The following NCALD variants were observed in gnomAD, a reference collection of about 807,000 sequenced individuals.
The protein encoded by NCALD is neurocalcin-delta.
A neutral mutation model predicts 18.6 loss-of-function variants in NCALD; 10 were observed. The observed-to-expected ratio is 0.54, with a 90% CI of 0.33 to 0.91. The LOEUF is 0.91. Ranked by LOEUF, NCALD falls within the 40% of genes least tolerant of loss-of-function variation. The pLI, the probability that NCALD is intolerant of heterozygous loss-of-function variation, is 0.03. For missense variants in NCALD, 184 were observed against 247.6 expected (o/e 0.74, Z 1.72); for synonymous variants, 88 against 87.4 (o/e 1.01, Z -0.04).
chr8:102,044,084 C>G (rs1402093848), intron 1 of NCALD, among the ~76,000 whole-genome samples: 1 of 151,900 alleles, frequency 6.6e-6, no homozygotes, highest in Non-Finnish European at 1.5e-5. Flanking sequence ...TTACTTGCAG[C>G]CAGTGATGAC....
chr8:102,117,705 ATTC>A (rs1825830849), intron 1 of NCALD, among the ~76,000 whole-genome samples: 6 of 152,350 alleles, frequency 3.9e-5, no homozygotes, highest in Admixed American at 3.9e-4. Flanking sequence ...TATGGAAAAT[ATTC>A]TTTTTATCTA....
At chr8:101,972,961 G>A (rs568699658) in intron 2 of NCALD, among the ~76,000 whole-genome samples, 3 of 152,206 alleles carry the variant, frequency 2.0e-5, no homozygotes, top group Non-Finnish European at 4.4e-5. Context: ...GATGAGCCAG[G>A]GTGAAACAAA....
intron 1 of NCALD, among the ~76,000 whole-genome samples, chr8:102,107,534 A>G (rs1347909273): frequency 6.6e-6 from 1 of 152,118 alleles, no homozygotes; most frequent in Non-Finnish European, 1.5e-5. Flanking sequence ...GCTACAGAAG[A>G]GGGCTAAGGA....
At chr8:101,739,757 G>C (rs1259337239) in intron 1 of NCALD, among the ~76,000 whole-genome samples, 1 of 152,154 alleles carries the variant, frequency 6.6e-6, no homozygotes, top group Non-Finnish European at 1.5e-5. Context: ...TGCACTGTCG[G>C]CTTCCCTACT....
intron 4 of NCALD, among the ~76,000 whole-genome samples, chr8:101,808,877 T>C (rs1813204621): frequency 6.6e-6 from 1 of 151,940 alleles, no homozygotes; most frequent in African/African-American, 2.4e-5. Flanking sequence ...CTATGGACTT[T>C]TACATGAAAG....
At chr8:102,058,840 G>T (rs1179147040) in intron 1 of NCALD, among the ~76,000 whole-genome samples, 1 of 152,160 alleles carries the variant, frequency 6.6e-6, no homozygotes, top group Non-Finnish European at 1.5e-5. Context: ...TTTTCAGGGT[G>T]GTCCAACCTA....
At chr8:101,930,584 G>A (rs888918153) in intron 2 of NCALD, among the ~76,000 whole-genome samples, 3 of 151,686 alleles carry the variant, frequency 2.0e-5, no homozygotes, top group African/African-American at 7.3e-5. Flanking sequence ...ACCCTAAATG[G>A]CAAGCAGGAG....
At chr8:101,960,497 G>T (rs576179920) in intron 2 of NCALD, among the ~76,000 whole-genome samples, 10 of 152,118 alleles carry the variant, frequency 6.6e-5, no homozygotes, top group African/African-American at 2.4e-4. Context: ...GCTAGTGGAG[G>T]AGAAAACTGG....
chr8:101,732,285 T>C (rs1816867466), intron 1 of NCALD, among the ~76,000 whole-genome samples: 2 of 152,100 alleles, frequency 1.3e-5, no homozygotes, highest in Admixed American at 1.3e-4. Flanking sequence ...GGGAGGCAAA[T>C]AAATCCATCA....
chr8:101,799,769 G>A (rs994600100), intron 4 of NCALD, among the ~76,000 whole-genome samples: 1 of 152,194 alleles, frequency 6.6e-6, no homozygotes, highest in African/African-American at 2.4e-5. Flanking sequence ...GGGTTAAGGA[G>A]CAGGTAGGGA....
chr8:101,887,291 G>T (rs1816710345), intron 3 of NCALD: 1 of 152,142 alleles, frequency 6.6e-6, no homozygotes. Flanking sequence ...AAAAGTTTTG[G>T]TGAGACTGTC....
chr8:101,830,117 T>C (rs1050429823), intron 4 of NCALD, among the ~76,000 whole-genome samples: 1 of 152,136 alleles, frequency 6.6e-6, no homozygotes, highest in African/African-American at 2.4e-5. Flanking sequence ...CTGCAGAGGT[T>C]TGTCTTTCCG....
At chr8:102,105,303 G>C (rs545212472) in intron 1 of NCALD, among the ~76,000 whole-genome samples, 12 of 152,184 alleles carry the variant, frequency 7.9e-5, no homozygotes, top group African/African-American at 1.9e-4. Context: ...GTTTGTACCA[G>C]AGATGTTAAT....
chr8:101,693,708 AC>A (rs899085614), intron 2 of NCALD: 2 of 152,036 alleles, frequency 1.3e-5, no homozygotes, highest in African/African-American at 4.8e-5. Flanking sequence ...CCTATCATGG[AC>A]CCTTGAGAGT....
intron 1 of NCALD, among the ~76,000 whole-genome samples, chr8:101,740,660 A>G (rs1810146960): frequency 6.6e-6 from 1 of 152,222 alleles, no homozygotes; most frequent in Non-Finnish European, 1.5e-5. Flanking sequence ...ATCTAAAGAG[A>G]GGAAAGATGA....
intron 1 of NCALD, among the ~76,000 whole-genome samples, chr8:102,118,014 G>C (rs537974920): frequency 2.8e-4 from 42 of 152,256 alleles, no homozygotes; most frequent in Non-Finnish European, 5.3e-4. Context: ...TCAATGCCTC[G>C]GTTCACTTAC....
intron 1 of NCALD, among the ~76,000 whole-genome samples, chr8:101,784,153 G>A (rs539397150): frequency 2.4e-4 from 36 of 152,230 alleles, no homozygotes; most frequent in African/African-American, 8.4e-4. Context: ...GGGGAAGGAA[G>A]ACCTGATGAC....
intron 3 of NCALD, among the ~76,000 whole-genome samples, chr8:101,913,014 C>A (rs1420633331): frequency 6.6e-6 from 1 of 152,086 alleles, no homozygotes; most frequent in Non-Finnish European, 1.5e-5. Flanking sequence ...AAAGTGGGGA[C>A]CTCAGTCCTA....
At chr8:101,967,840 G>GAC (rs34321706) in intron 2 of NCALD, among the ~76,000 whole-genome samples, 20,963 of 147,780 alleles carry the variant, frequency 0.14, 1,407 homozygotes, top group East Asian at 0.18. Context: ...TCTTAAAATT[G>GAC]ACACACACAC....
Sources: allele counts gnomAD v4.1 joint callset (sites outside exome capture counted in the v4.1 genomes callset), GRCh38; gene constraint gnomAD v4.1.1; transcripts MANE v1.5; gene names NCBI Gene and HGNC (gene_info 2026-07-23, HGNC 2026-07-21).